Variants in PLCB1 observed in about 807,000 individuals in gnomAD.
The protein encoded by PLCB1 is phospholipase C beta 1, also known as 1-phosphatidylinositol 4,5-bisphosphate phosphodiesterase beta-1.
Under a neutral mutation model 161.8 loss-of-function variants are expected in PLCB1, and 46 were observed. That is an observed-to-expected ratio of 0.28 (90% CI 0.22 to 0.36). PLCB1 has a LOEUF of 0.36. PLCB1 is among the 10% of genes least tolerant of loss of function. The pLI, the probability that PLCB1 is intolerant of heterozygous loss-of-function variation, is 1.00. For synonymous variants in PLCB1, 517 were observed against 503.7 expected (o/e 1.03, Z -0.35); for missense variants, 1,016 against 1,472.5 (o/e 0.69, Z 5.07).
At chr20:8,661,974 A>G (rs1174578890) in intron 9 of PLCB1, among the ~76,000 whole-genome samples, 3 of 124,700 alleles carry the variant, frequency 2.4e-5, no homozygotes, top group Admixed American at 1.1e-4. Context: ...TATTTATTAT[A>G]TAATTATATA....
At chr20:8,581,490 G>A (rs1986831639) in intron 3 of PLCB1, among the ~76,000 whole-genome samples, 1 of 152,192 alleles carries the variant, frequency 6.6e-6, no homozygotes, top group South Asian at 2.1e-4. Context: ...GATGTCCTGA[G>A]TTCAAGATGA....
At chr20:8,733,745 T>A (rs970213331) in intron 19 of PLCB1, among the ~76,000 whole-genome samples, 9 of 149,886 alleles carry the variant, frequency 6.0e-5, no homozygotes, top group East Asian at 2.0e-4. Flanking sequence ...CATATGTAAC[T>A]AACCTGCACA....
At chr20:8,179,259 C>G (rs1023326567) in intron 2 of PLCB1, among the ~76,000 whole-genome samples, 1 of 152,132 alleles carries the variant, frequency 6.6e-6, no homozygotes, top group Non-Finnish European at 1.5e-5. Context: ...CTCTTCCTAT[C>G]CATAAGCGTG....
intron 3 of PLCB1, among the ~76,000 whole-genome samples, chr20:8,524,214 G>T (rs1038692129): frequency 6.6e-5 from 10 of 152,008 alleles, no homozygotes; most frequent in Non-Finnish European, 1.3e-4. Context: ...CATTAGAGAA[G>T]ATGCTTGAAG....
chr20:8,857,835 TTTAG>T (rs1213691777), intron 31 of PLCB1, among the ~76,000 whole-genome samples: 1 of 152,208 alleles, frequency 6.6e-6, no homozygotes, highest in Non-Finnish European at 1.5e-5. Flanking sequence ...ATCCCTTCTA[TTTAG>T]TTTGTTTTTG....
At chr20:8,791,279 A>G (rs556553351) in intron 31 of PLCB1, among the ~76,000 whole-genome samples, 10 of 152,270 alleles carry the variant, frequency 6.6e-5, no homozygotes, top group African/African-American at 2.2e-4. Flanking sequence ...CGTTTCTCCT[A>G]TAAACATATA....
chr20:8,737,836 ACT>A (rs1277404370), intron 20 of PLCB1, among the ~76,000 whole-genome samples: 3 of 152,152 alleles, frequency 2.0e-5, no homozygotes, highest in Non-Finnish European at 2.9e-5. Flanking sequence ...CTATGCGGAA[ACT>A]CTCTGTGCTC....
intron 2 of PLCB1, among the ~76,000 whole-genome samples, chr20:8,236,964 A>T (rs1358316191): frequency 2.0e-5 from 3 of 152,046 alleles, no homozygotes; most frequent in Non-Finnish European, 4.4e-5. Flanking sequence ...TCAAAACTAA[A>T]AGTTCCAGTG....
At chr20:8,749,952 A>AAT (rs200483908) in intron 23 of PLCB1, among the ~76,000 whole-genome samples, 17 of 9,414 alleles carry the variant, frequency 1.8e-3, no homozygotes, top group African/African-American at 2.7e-3. Flanking sequence ...GCATTCATTC[A>AAT]ATATTTTTTT....
At chr20:8,674,000 C>T (rs1288528234) in intron 9 of PLCB1, among the ~76,000 whole-genome samples, 1 of 152,106 alleles carries the variant, frequency 6.6e-6, no homozygotes, top group Non-Finnish European at 1.5e-5. Context: ...CCCCCGGAAG[C>T]AGTCCTCAAA....
intron 3 of PLCB1, among the ~76,000 whole-genome samples, chr20:8,545,799 A>G (rs910517062): frequency 1.3e-5 from 2 of 152,174 alleles, no homozygotes; most frequent in African/African-American, 4.8e-5. Flanking sequence ...AGCTAACATT[A>G]TTATTTCTTC....
chr20:8,263,782 A>G (rs1233911021), intron 2 of PLCB1, among the ~76,000 whole-genome samples: 2 of 152,182 alleles, frequency 1.3e-5, no homozygotes, highest in Admixed American at 1.3e-4. Context: ...TAAAAGAACA[A>G]TGGACCTGTA....
intron 3 of PLCB1, among the ~76,000 whole-genome samples, chr20:8,617,871 A>G (rs2123188709): frequency 6.6e-6 from 1 of 152,330 alleles, no homozygotes; most frequent in African/African-American, 2.4e-5. Flanking sequence ...CATATCATAT[A>G]CTGCTATTTT....
intron 3 of PLCB1, among the ~76,000 whole-genome samples, chr20:8,390,767 T>C (rs950855239): frequency 6.6e-6 from 1 of 152,132 alleles, no homozygotes; most frequent in Non-Finnish European, 1.5e-5. Context: ...CTTTGTGTAT[T>C]GCAAGTGCCT....
At chr20:8,523,751 G>A (rs999255020) in intron 3 of PLCB1, among the ~76,000 whole-genome samples, 6 of 151,636 alleles carry the variant, frequency 4.0e-5, no homozygotes, top group Admixed American at 2.0e-4. Flanking sequence ...AGTATATTAA[G>A]GTTACTCAGA....
chr20:8,687,845 A>T (rs1206741648), intron 10 of PLCB1, among the ~76,000 whole-genome samples: 1 of 152,222 alleles, frequency 6.6e-6, no homozygotes, highest in Non-Finnish European at 1.5e-5. Context: ...CTCTGGGTAG[A>T]TACCCATTAG....
At chr20:8,254,366 T>C (rs1363607825) in intron 2 of PLCB1, among the ~76,000 whole-genome samples, 1 of 152,042 alleles carries the variant, frequency 6.6e-6, no homozygotes. Context: ...TTTAACTTTC[T>C]GATATATTTG....
chr20:8,527,328 TC>T (rs1984622190), intron 3 of PLCB1, among the ~76,000 whole-genome samples: 1 of 152,052 alleles, frequency 6.6e-6, no homozygotes. Flanking sequence ...CCCATCAATA[TC>T]AAAAATTAAG....
At chr20:8,267,318 C>G (rs1481761204) in intron 2 of PLCB1, among the ~76,000 whole-genome samples, 2 of 152,168 alleles carry the variant, frequency 1.3e-5, no homozygotes, top group Admixed American at 6.5e-5. Flanking sequence ...TCCTAGCCCA[C>G]GGTTCACATC....
Sources: gnomAD v4.1 joint callset for allele counts (sites outside exome capture counted in the v4.1 genomes callset) on GRCh38, gnomAD v4.1.1 for gene constraint, MANE v1.5 for transcripts, NCBI Gene and HGNC (gene_info 2026-07-23, HGNC 2026-07-21) for gene names.